RFX3: variants seen among roughly 807,000 people sequenced by gnomAD.
The protein encoded by RFX3 is regulatory factor X3.
A neutral mutation model predicts 98.6 loss-of-function variants in RFX3; 14 were observed. The observed-to-expected ratio is 0.14, with a 90% CI of 0.09 to 0.22. The LOEUF is 0.22. Among genes scored for constraint, RFX3 ranks in the 10% least tolerant of loss-of-function variants. The pLI, the probability that RFX3 is intolerant of heterozygous loss-of-function variation, is 1.00. For synonymous variants in RFX3, 383 were observed against 328.4 expected, an observed-to-expected ratio of 1.17 and a Z score of -1.80; for missense variants, 639 against 926.9, an observed-to-expected ratio of 0.69 and a Z score of 4.03.
At chr9:3,473,680 A>G (rs1848973349) in intron 1 of RFX3, among the ~76,000 whole-genome samples, 1 of 152,030 alleles carries the variant, frequency 6.6e-6, no homozygotes, top group Admixed American at 6.6e-5. Flanking sequence ...TCTGCTCCCA[A>G]CTGCTGAGCT....
At chr9:3,524,438 C>T in intron 1 of RFX3, 1 of 769,472 alleles carries the variant, frequency 1.3e-6, no homozygotes, top group Non-Finnish European at 1.6e-6. Flanking sequence ...TAAGTACACA[C>T]ATGCCTAGAT....
intron 1 of RFX3, among the ~76,000 whole-genome samples, chr9:3,486,773 T>A (rs1238155261): frequency 1.3e-5 from 2 of 152,252 alleles, no homozygotes; most frequent in Non-Finnish European, 2.9e-5. Flanking sequence ...TTCGAATTTG[T>A]GTGATTAACT....
chr9:3,464,032 GA>G (rs1847968158), intron 1 of RFX3, among the ~76,000 whole-genome samples: 1 of 152,046 alleles, frequency 6.6e-6, no homozygotes, highest in Non-Finnish European at 1.5e-5. Context: ...AAAACTACAT[GA>G]AAAAATGTTC....
chr9:3,437,615 T>C (rs539525799), intron 1 of RFX3, among the ~76,000 whole-genome samples: 1 of 152,196 alleles, frequency 6.6e-6, no homozygotes, highest in East Asian at 1.9e-4. Context: ...ATAAAGCTAT[T>C]TCAGGTTTAG....
intron 15 of RFX3, among the ~76,000 whole-genome samples, chr9:3,235,239 T>C (rs1428589076): frequency 6.6e-6 from 1 of 152,210 alleles, no homozygotes; most frequent in East Asian, 1.9e-4. Flanking sequence ...AGAGAGAGTC[T>C]AATATAGAAG....
chr9:3,318,987 C>G (rs1423223365), intron 4 of RFX3, among the ~76,000 whole-genome samples: 1 of 152,206 alleles, frequency 6.6e-6, no homozygotes, highest in Non-Finnish European at 1.5e-5. Flanking sequence ...AAACTAGTTT[C>G]TGAGACATCA....
At chr9:3,353,996 T>C (rs968501296) in intron 2 of RFX3, among the ~76,000 whole-genome samples, 11 of 152,042 alleles carry the variant, frequency 7.2e-5, no homozygotes, top group African/African-American at 2.4e-4. Context: ...CAAGTACTAT[T>C]TGTAGAGTAG....
chr9:3,398,930 A>AAAAT (rs1564048484), intron 1 of RFX3, among the ~76,000 whole-genome samples: 51 of 149,904 alleles, frequency 3.4e-4, no homozygotes, highest in African/African-American at 1.2e-3. Context: ...AAAAAAAAAA[A>AAAAT]AAAAAAAAAA....
chr9:3,356,178 A>AAGGAAGGAAGGAAGGT, intron 2 of RFX3, among the ~76,000 whole-genome samples: 1 of 146,070 alleles, frequency 6.8e-6, no homozygotes, highest in African/African-American at 2.7e-5. Flanking sequence ...GGAAGGAAGG[A>AAGGAAGGAAGGAAGGT]AGGAAGGAAG....
At position 3,283,345 on chromosome 9, in the gene RFX3, T is replaced by C. The variant is rs548898686; in HGVS notation, c.851+4786A>G. 3.3e-5 allele frequency among the ~76,000 whole-genome samples: 5 copies of C among 151,888 alleles called. No individual in the cohort carries two copies. The South Asian group carries it at 6.2e-4, about 19-fold the overall frequency. ...TCCAGTTATTAAAAAAATTTTCAGATACGTTATTCCACTTGAACTTCAAAA... is the reference window on the plus strand; with the variant it reads ...TCCAGTTATTAAAAAAATTTTCAGACACGTTATTCCACTTGAACTTCAAAA... On this transcript the variant is annotated intron_variant, in intron 7 of 16. Transcript: ENST00000617270.
intron 1 of RFX3, among the ~76,000 whole-genome samples, chr9:3,524,233 A>G (rs568444885): frequency 6.6e-6 from 1 of 152,340 alleles, no homozygotes; most frequent in Non-Finnish European, 1.5e-5. Context: ...GCTGAAAAAA[A>G]TGAACAAATT....
chr9:3,338,732 T>C (rs1371231980), intron 3 of RFX3, among the ~76,000 whole-genome samples: 1 of 152,160 alleles, frequency 6.6e-6, no homozygotes, highest in Non-Finnish European at 1.5e-5. Context: ...GGAACCATTG[T>C]ACTAGTTGAT....
In RFX3 at chr9:3,224,778, C is replaced by A; in HGVS notation, c.*264G>T. ...ACTTTTTAATTATAAGAAAACAAAA[C>A]ATTGACATTAAGTGTTGTAAAAATC... On this transcript the variant is annotated 3_prime_UTR_variant, in exon 17 of 17. Coordinates refer to ENST00000617270, the MANE Select transcript of RFX3 (RefSeq NM_001282116.2). The A allele has an allele frequency of 3.3e-6, 1 of 306,828 alleles. No individual in the cohort carries two copies. Among genetic ancestry groups the A allele is most frequent in the South Asian group, 1.0e-4 (1 of 9,650 alleles). The allele number at this position is 306,828 out of a possible 1,614,324, so 19.0% of individuals were successfully genotyped here. A position where few individuals can be genotyped will look rare whatever the true frequency, so the allele number is the denominator to read the frequency against.
chr9:3,265,106 A>G (rs560530510), intron 12 of RFX3, among the ~76,000 whole-genome samples: 1 of 150,188 alleles, frequency 6.7e-6, no homozygotes, highest in South Asian at 2.1e-4. Context: ...ACTCTCTGCC[A>G]TGATGGACAT....
chr9:3,420,614 CTG>C (rs1173504686), intron 1 of RFX3, among the ~76,000 whole-genome samples: 1 of 152,118 alleles, frequency 6.6e-6, no homozygotes, highest in Non-Finnish European at 1.5e-5. Flanking sequence ...CCCAAACTAA[CTG>C]TAGATTTTAG....
intron 3 of RFX3, among the ~76,000 whole-genome samples, chr9:3,336,991 G>A (rs912355913): frequency 1.2e-4 from 18 of 152,168 alleles, no homozygotes; most frequent in Admixed American, 1.3e-4. Context: ...CACGGTGGAT[G>A]ATAGTTTTAA....
At chr9:3,399,932 G>C (rs1201146730) in intron 1 of RFX3, among the ~76,000 whole-genome samples, 1 of 148,984 alleles carries the variant, frequency 6.7e-6, no homozygotes, top group African/African-American at 2.5e-5. Context: ...CTGGATGACA[G>C]AGCAAGACTC....
At chr9:3,450,432 C>G (rs1846482233) in intron 1 of RFX3, among the ~76,000 whole-genome samples, 1 of 151,836 alleles carries the variant, frequency 6.6e-6, no homozygotes, top group South Asian at 2.1e-4. Context: ...AAACATTCTC[C>G]CCAATCCTCT....
rs530537922 is a variant in RFX3 at position 3,480,390 on chromosome 9, A to G, written c.-9+45357T>C. Among the ~76,000 whole-genome samples, 180 of 152,328 alleles carry G rather than the reference A, an allele frequency of 1.2e-3. 2 individuals carry two copies. Among genetic ancestry groups the G allele is most frequent in the Non-Finnish European group, 1.8e-3 (122 of 68,018 alleles). On this transcript the variant is annotated intron_variant, in intron 1 of 16. Transcript: ENST00000617270. ...TCCTCTCTCTCGAAAACACAAAAGC[A>G]TAAGTTGTCGGGCCTTTTTGCACCC...
Sources: gnomAD v4.1 joint callset for allele counts (sites outside exome capture counted in the v4.1 genomes callset) on GRCh38, gnomAD v4.1.1 for gene constraint, MANE v1.5 for transcripts, NCBI Gene and HGNC (gene_info 2026-07-23, HGNC 2026-07-21) for gene names.